The following TRPC3 variants were observed in gnomAD, a reference collection of about 807,000 sequenced individuals.
TRPC3 encodes short transient receptor potential channel 3.
Under a neutral mutation model 90.9 loss-of-function variants are expected in TRPC3, and 54 were observed. That is an observed-to-expected ratio of 0.59 (90% confidence interval 0.48 to 0.75). The LOEUF is 0.75. TRPC3 is among the 30% of genes least tolerant of loss of function. The pLI is 0.00. For missense variants in TRPC3, 918 were observed against 1,194.5 expected (o/e 0.77, Z 3.41); for synonymous variants, 424 against 450.9 (o/e 0.94, Z 0.75).
At position 121,907,624 on chromosome 4, in the gene TRPC3, G is replaced by A. The variant is rs1728933565; in HGVS notation, c.1793-57C>T. On this transcript the variant is annotated intron_variant, in intron 6 of 11. Coordinates refer to ENST00000379645, the MANE Select transcript of TRPC3 (RefSeq NM_001130698.2). Reference sequence around the variant, plus strand: ...GAGCTTTCTATTCATTGCCAACTACGCAAAGCAAATACCTTAAATAGGATC... The same window carrying A: ...GAGCTTTCTATTCATTGCCAACTACACAAAGCAAATACCTTAAATAGGATC... 16 of 1,540,106 alleles carry A rather than the reference G, an allele frequency of 1.0e-5. No individual in the cohort carries two copies. In the South Asian group the frequency reaches 1.3e-4, roughly 12 times the overall value.
At chr4:121,883,140 T>C (rs1199284533) in intron 10 of TRPC3, among the ~76,000 whole-genome samples, 1 of 152,084 alleles carries the variant, frequency 6.6e-6, no homozygotes, top group East Asian at 1.9e-4. Flanking sequence ...CAAAAATTAA[T>C]TCCATTTGCA....
chr4:121,879,758 G>T lies in TRPC3; in HGVS notation c.2744C>A (p.Pro915His), dbSNP rs199588234. Reference protein sequence around the residue: ...LIHKLSEKLNPSMLRCE With the variant: ...LIHKLSEKLNHSMLRCE Reference sequence around the variant, plus strand: ...GCATCATTCACATCTCAGCATGCTGGGATTCAGTTTCTCACTAAGTTTATG... The same window carrying T: ...GCATCATTCACATCTCAGCATGCTGTGATTCAGTTTCTCACTAAGTTTATG... The change falls in exon 12 of 12, where the codon CCC becomes CAC. Residue 915 changes from proline to histidine, a missense_variant. Physicochemically the swap from Pro to His is moderately conservative, Grantham distance 77. Around this residue, in one of 4 missense-constraint regions of TRPC3, gnomAD observed 41 missense variants for 69.4 expected, o/e 0.59. Coordinates refer to ENST00000379645, the MANE Select transcript of TRPC3 (RefSeq NM_001130698.2). 1.2e-6 allele frequency: 2 copies of T among 1,609,310 alleles called. No homozygotes were observed.
chr4:121,891,860 G>A (rs1217812769), intron 10 of TRPC3, among the ~76,000 whole-genome samples: 4 of 152,058 alleles, frequency 2.6e-5, no homozygotes, highest in Non-Finnish European at 4.4e-5. Flanking sequence ...CCCTTGTTAA[G>A]TTGGTATATA....
chr4:121,875,889 ATTTTTTTTTTTT>A lies in TRPC3; in HGVS notation c.*3835_*3846del, dbSNP rs1163932789. ...ACAAAGTTATAAATACCCATTTTAG[ATTTTTTTTTTTT>A]TTTTTTTTTTTTTTTGTGGGGGGTG... is the stretch of plus-strand genomic sequence containing the variant. On this transcript the variant is annotated 3_prime_UTR_variant, in exon 12 of 12. Coordinates refer to ENST00000379645, the MANE Select transcript of TRPC3 (RefSeq NM_001130698.2). Among the ~76,000 whole-genome samples, 5 of 75,094 alleles carry A rather than the reference ATTTTTTTTTTTT, an allele frequency of 6.7e-5. No individual in the cohort carries two copies. The highest frequency in any genetic ancestry group is 6.6e-4 in the Admixed American group (3 of 4,564). The allele number at this position is 75,094 out of a possible 152,430, so 49.3% of individuals were successfully genotyped here.
At chr4:121,926,556 G>C (rs1226548001) in intron 2 of TRPC3, among the ~76,000 whole-genome samples, 2 of 151,936 alleles carry the variant, frequency 1.3e-5, no homozygotes, top group African/African-American at 4.8e-5. Context: ...ATAGGCATGT[G>C]CCACCACACC....
At position 121,951,508 on chromosome 4, in the gene TRPC3, G is replaced by T; in HGVS notation, c.173C>A (p.Pro58Gln). Reference sequence around the variant, plus strand: ...GAAGGGCGGCGGGCAGTAGCCGTGCGGCTCCCGCTGCGAGGGCGCCGAGCG... The same window carrying T: ...GAAGGGCGGCGGGCAGTAGCCGTGCTGCTCCCGCTGCGAGGGCGCCGAGCG... ...EPRSAPSQRE[P>Q]HGYCPPPFSH... Residue 58 changes from proline to glutamine, a missense_variant, in exon 1 of 12, where the codon CCG becomes CAG. This residue lies in a region of TRPC3 where 609 missense variants were observed against 725.9 expected (regional missense o/e 0.84). Transcript: ENST00000379645. The surrounding 1 kb of genome is among the most constrained non-coding windows in gnomAD (Gnocchi z 4.4). 7.3e-7 allele frequency: 1 copy of T among 1,367,074 alleles called. No individual in the cohort carries two copies. The highest frequency in any genetic ancestry group is 3.7e-5 in the Admixed American group (1 of 26,736). The allele number at this position is 1,367,074 out of a possible 1,614,324, so 84.7% of individuals were successfully genotyped here. A position where few individuals can be genotyped will look rare whatever the true frequency, so the allele number is the denominator to read the frequency against.
intron 10 of TRPC3, among the ~76,000 whole-genome samples, chr4:121,894,320 ACATG>A (rs749436266): frequency 1.3e-5 from 2 of 152,140 alleles, no homozygotes; most frequent in Non-Finnish European, 2.9e-5. Flanking sequence ...TTATAAATAT[ACATG>A]CACCCAATAC....
intron 3 of TRPC3, among the ~76,000 whole-genome samples, chr4:121,920,589 G>A (rs1729469053): frequency 6.6e-6 from 1 of 152,150 alleles, no homozygotes; most frequent in Non-Finnish European, 1.5e-5. Context: ...TGTTAGTAAA[G>A]ATGCAGGCAG....
intron 2 of TRPC3, among the ~76,000 whole-genome samples, chr4:121,926,202 C>T (rs1560709888): frequency 1.3e-5 from 2 of 152,154 alleles, no homozygotes; most frequent in South Asian, 2.1e-4. Context: ...AAAATACCTC[C>T]GTGAGGACAT....
At position 121,925,542 on chromosome 4, in the gene TRPC3, G is replaced by C. The variant is rs535604322; in HGVS notation, c.988-336C>G. On this transcript the variant is annotated intron_variant, in intron 2 of 11. Coordinates refer to ENST00000379645, the MANE Select transcript of TRPC3 (RefSeq NM_001130698.2). ...GGGCGGGAGTAGGAGGTAGGGTGAA[G>C]TAGAGATGGAATGAGGAGATATTGG... Among the ~76,000 whole-genome samples, 5 of 152,330 alleles carry C rather than the reference G, an allele frequency of 3.3e-5. 1 individual carries two copies. The South Asian group carries it at 1.0e-3, about 32-fold the overall frequency.
chr4:121,921,129 G>C (rs1578636120), intron 3 of TRPC3, among the ~76,000 whole-genome samples: 1 of 152,258 alleles, frequency 6.6e-6, no homozygotes, highest in Middle Eastern at 3.4e-3. Context: ...CTCATGCCTT[G>C]ATTTCTAGGA....
At position 121,951,424 on chromosome 4, in the gene TRPC3, C is replaced by T. The variant is rs1578667607; in HGVS notation, c.215+42G>A. 8.6e-7 allele frequency: 1 copy of T among 1,167,232 alleles called. No individual in the cohort carries two copies. Among genetic ancestry groups the T allele is most frequent in the Admixed American group, 4.6e-5 (1 of 21,706 alleles). The allele number at this position is 1,167,232 out of a possible 1,614,324, so 72.3% of individuals were successfully genotyped here. A position where few individuals can be genotyped will look rare whatever the true frequency, so the allele number is the denominator to read the frequency against. ...GCGCCTTCCCGCCCCCCGCCCGGCA[C>T]CGCCCTCCGAGGCGCGGGCCGCGGC... On this transcript the variant is annotated intron_variant, in intron 1 of 11. Coordinates refer to ENST00000379645, the MANE Select transcript of TRPC3 (RefSeq NM_001130698.2). The surrounding 1 kb of genome is among the most constrained non-coding windows in gnomAD (Gnocchi z 4.4).
intron 10 of TRPC3, among the ~76,000 whole-genome samples, chr4:121,893,775 T>G (rs1038013349): frequency 3.3e-5 from 5 of 152,108 alleles, no homozygotes; most frequent in African/African-American, 1.2e-4. Context: ...TATGAAGAAT[T>G]CCTCTTCATT....
At chr4:121,940,237 C>T (rs142587267) in intron 1 of TRPC3, among the ~76,000 whole-genome samples, 4 of 152,320 alleles carry the variant, frequency 2.6e-5, no homozygotes, top group African/African-American at 9.6e-5. Context: ...TGTCAATTCA[C>T]GTAACTGCTT....
rs750023435 is a variant in TRPC3, at chr4:121,876,696, T to C, written c.*3040A>G. On this transcript the variant is annotated 3_prime_UTR_variant, in exon 12 of 12. Coordinates refer to ENST00000379645, the MANE Select transcript of TRPC3 (RefSeq NM_001130698.2). ...GCATAAACTCTGTAAAGATACTCTG[T>C]ACCATTTTTCAAAGTTTTCTCATTA... Among the ~76,000 whole-genome samples, 7 of 152,234 alleles carry C rather than the reference T, an allele frequency of 4.6e-5. No homozygotes were observed. Among genetic ancestry groups the C allele is most frequent in the Admixed American group, 3.3e-4 (5 of 15,276 alleles).
At position 121,877,130 on chromosome 4, in the gene TRPC3, G is replaced by T. The variant is rs1727783932; in HGVS notation, c.*2606C>A. ...AGAGCTATCTTTATCCTCAAGTGAA[G>T]GACTAATTCTGACAGCAATCCCCTC... On this transcript the variant is annotated 3_prime_UTR_variant, in exon 12 of 12. Transcript: ENST00000379645. Among the ~76,000 whole-genome samples, 1 of 152,150 alleles carries T rather than the reference G, an allele frequency of 6.6e-6. No homozygotes were observed. The highest frequency in any genetic ancestry group is 6.5e-5 in the Admixed American group (1 of 15,272).
At chr4:121,949,691 C>T (rs1156446753) in intron 1 of TRPC3, among the ~76,000 whole-genome samples, 2 of 152,184 alleles carry the variant, frequency 1.3e-5, no homozygotes, top group Admixed American at 1.3e-4. Flanking sequence ...ATGTATATCT[C>T]CTTAAAAATG....
In TRPC3 at chr4:121,951,548, C is replaced by T. The variant is rs1005455486; in HGVS notation, c.133G>A (p.Gly45Arg). The stretch of plus-strand genomic sequence containing the variant: ...GGCGCCGAGCGCGGCTCCAGCCCCC[C>T]GTTGACGCCCCTCCAGCCCCGGCGG... ...RRRRGWRGVN[G>R]GLEPRSAPSQ... The change falls in exon 1 of 12, where the codon GGG becomes AGG. Residue 45 changes from glycine (G) to arginine (R), a missense_variant. Physicochemically the swap from Gly to Arg is moderately radical, Grantham distance 125. Around this residue, in one of 4 missense-constraint regions of TRPC3, gnomAD observed 609 missense variants for 725.9 expected, o/e 0.84. Coordinates refer to ENST00000379645, the MANE Select transcript of TRPC3 (RefSeq NM_001130698.2). This position sits in a 1 kb window ranked among gnomAD's most constrained non-coding sequence, Gnocchi z 4.4. 1.4e-6 allele frequency: 2 copies of T among 1,426,232 alleles called. No homozygotes were observed. The highest frequency in any genetic ancestry group is 1.5e-5 in the African/African-American group (1 of 66,494). 88.3% of individuals were successfully genotyped at this position (1,426,232 alleles called of 1,614,324 possible).
chr4:121,898,892 A>G (rs565880407), intron 10 of TRPC3, among the ~76,000 whole-genome samples: 2 of 152,304 alleles, frequency 1.3e-5, no homozygotes, highest in South Asian at 4.1e-4. Context: ...GACTTTGACA[A>G]TCAGTGGGCT....
Sources: allele counts gnomAD v4.1 joint callset (sites outside exome capture counted in the v4.1 genomes callset), GRCh38; gene constraint gnomAD v4.1.1; regional missense constraint gnomAD v4.1.1; non-coding constraint Gnocchi (gnomAD v3.1); transcripts MANE v1.5; gene names NCBI Gene and HGNC (gene_info 2026-07-23, HGNC 2026-07-21).